MAF: variants seen among roughly 807,000 people sequenced by gnomAD.
MAF encodes the protein MAF bZIP transcription factor.
A neutral mutation model predicts 22.0 loss-of-function variants in MAF; 10 were observed. The ratio of observed to expected loss-of-function variants is 0.45; its 90% CI spans 0.28 to 0.77. The LOEUF (loss-of-function observed/expected upper bound fraction) is 0.77. Ranked by LOEUF, MAF falls within the 30% of genes least tolerant of loss-of-function variation. MAF has a pLI of 0.12. For missense variants in MAF, 544 were observed against 548.4 expected (o/e 0.99, Z 0.08); for synonymous variants, 337 against 255.8 (o/e 1.32, Z -3.03).
downstream of MAF, among the ~76,000 whole-genome samples, chr16:79,585,692 C>A (rs1452080941): frequency 6.6e-6 from 1 of 152,136 alleles, no homozygotes; most frequent in African/African-American, 2.4e-5. Context: ...CTCTTTGGCA[C>A]CTAGTGTCAC....
chr16:79,464,088 A>G, the MAF span, among the ~76,000 whole-genome samples: 1 of 152,208 alleles, frequency 6.6e-6, no homozygotes, highest in Non-Finnish European at 1.5e-5. Flanking sequence ...AAGAAAGCAG[A>G]AGTTCTCCAC....
the MAF span, among the ~76,000 whole-genome samples, chr16:79,275,100 A>C: frequency 0.097 from 14,813 of 152,288 alleles, 710 homozygotes; most frequent in African/African-American, 0.12. Flanking sequence ...TCAGGCCTGT[A>C]ATCCCAGCAC....
chr16:79,311,521 T>C, the MAF span, among the ~76,000 whole-genome samples: 4 of 150,832 alleles, frequency 2.7e-5, no homozygotes, highest in Non-Finnish European at 5.9e-5. Flanking sequence ...AAAAACATTA[T>C]GTCTGCCCTC....
chr16:79,572,936 A>G, the MAF span, among the ~76,000 whole-genome samples: 35 of 152,324 alleles, frequency 2.3e-4, no homozygotes, highest in African/African-American at 7.9e-4. Context: ...GAGGTTACCC[A>G]ATTTAAATGC....
the MAF span, chr16:79,211,749 C>G: frequency 1.9e-6 from 3 of 1,614,214 alleles, no homozygotes; most frequent in South Asian, 1.1e-5. Context: ...CCTGTGGGCG[C>G]TCAGCGAGAG....
At chr16:79,389,895 G>C in the MAF span, among the ~76,000 whole-genome samples, 1 of 138,186 alleles carries the variant, frequency 7.2e-6, no homozygotes. Context: ...AGAATGGCGT[G>C]AACCTGGGAG....
At chr16:79,316,138 G>T in the MAF span, among the ~76,000 whole-genome samples, 1 of 152,338 alleles carries the variant, frequency 6.6e-6, no homozygotes, top group Non-Finnish European at 1.5e-5. Flanking sequence ...ACCTCAAGGC[G>T]TGGGCGCCTG....
At chr16:79,424,553 G>A in the MAF span, among the ~76,000 whole-genome samples, 1 of 152,120 alleles carries the variant, frequency 6.6e-6, no homozygotes, top group Non-Finnish European at 1.5e-5. Flanking sequence ...CTATTCATTT[G>A]TTTCTTCTGA....
the MAF span, among the ~76,000 whole-genome samples, chr16:79,244,117 G>T: frequency 3.9e-5 from 6 of 151,992 alleles, no homozygotes; most frequent in South Asian, 2.1e-4. Context: ...TCATACTGAA[G>T]GGGCAAAAAC....
the MAF span, among the ~76,000 whole-genome samples, chr16:79,312,331 G>T: frequency 2.0e-5 from 3 of 152,078 alleles, no homozygotes; most frequent in South Asian, 6.2e-4. Context: ...CACATTGATG[G>T]GTCACTGCAA....
At chr16:79,431,688 C>A in the MAF span, among the ~76,000 whole-genome samples, 1 of 152,176 alleles carries the variant, frequency 6.6e-6, no homozygotes, top group Admixed American at 6.5e-5. Context: ...CTCAAAGGCG[C>A]CACTTTCATA....
chr16:79,288,307 T>C, the MAF span, among the ~76,000 whole-genome samples: 1 of 152,212 alleles, frequency 6.6e-6, no homozygotes, highest in African/African-American at 2.4e-5. Flanking sequence ...ATTTCTGATA[T>C]TTCAAGGCAG....
the MAF span, chr16:79,211,987 A>C: frequency 6.5e-7 from 1 of 1,533,210 alleles, no homozygotes; most frequent in South Asian, 1.2e-5. Flanking sequence ...GTAAAGTATC[A>C]CTTTTCTGGG....
the MAF span, among the ~76,000 whole-genome samples, chr16:79,343,238 A>AC: frequency 5.9e-4 from 86 of 146,360 alleles, no homozygotes; most frequent in Middle Eastern, 3.5e-3. Context: ...ATCAGCCCCA[A>AC]CCCCCCCCCA....
chr16:79,384,590 T>C, the MAF span, among the ~76,000 whole-genome samples: 2 of 151,788 alleles, frequency 1.3e-5, no homozygotes, highest in Non-Finnish European at 2.9e-5. Flanking sequence ...ACCCTGTCTC[T>C]ACTAAAAATA....
the MAF span, among the ~76,000 whole-genome samples, chr16:79,330,471 G>A: frequency 2.0e-5 from 3 of 152,186 alleles, no homozygotes; most frequent in African/African-American, 7.2e-5. Context: ...GGTGAGAGCC[G>A]TACAGGAATG....
At chr16:79,451,922 C>T in the MAF span, among the ~76,000 whole-genome samples, 1 of 152,178 alleles carries the variant, frequency 6.6e-6, no homozygotes, top group Non-Finnish European at 1.5e-5. Context: ...TGAGCACTTA[C>T]ATGTGTGCAG....
the MAF span, among the ~76,000 whole-genome samples, chr16:79,383,833 T>C: frequency 3.9e-5 from 6 of 152,174 alleles, no homozygotes; most frequent in African/African-American, 9.7e-5. Context: ...AAGAGCCTTA[T>C]AGTTTAAAAG....
the MAF span, among the ~76,000 whole-genome samples, chr16:79,463,971 CA>C: frequency 7.6e-4 from 111 of 145,662 alleles, no homozygotes; most frequent in African/African-American, 1.8e-3. Context: ...CTGAGGCTTG[CA>C]AAAAAAAAAA....
Sources: gnomAD v4.1 joint callset for allele counts (sites outside exome capture counted in the v4.1 genomes callset) on GRCh38, gnomAD v4.1.1 for gene constraint, MANE v1.5 for transcripts, NCBI Gene and HGNC (gene_info 2026-07-23, HGNC 2026-07-21) for gene names.